KIR3DL3: variants seen among roughly 807,000 people sequenced by gnomAD.
KIR3DL3 encodes killer cell immunoglobulin like receptor, three Ig domains and long cytoplasmic tail 3, also known as killer cell immunoglobulin-like receptor 3DL3.
KIR3DL3 carries 27 observed loss-of-function variants against 34.9 expected under a neutral mutation model. The ratio of observed to expected loss-of-function variants is 0.77; its 90% CI spans 0.57 to 1.07. The LOEUF (loss-of-function observed/expected upper bound fraction) is 1.07. Among genes scored for constraint, KIR3DL3 ranks in the 50% least tolerant of loss-of-function variants. The pLI is 0.00. For synonymous variants in KIR3DL3, 217 were observed against 200.2 expected (o/e 1.08, Z -0.71); for missense variants, 681 against 528.5 (o/e 1.29, Z -2.83).
Position 54,726,229 on chromosome 19 carries a change from G to T in KIR3DL3, c.247G>T (p.Gly83Cys). The T allele has an allele frequency of 6.2e-7, 1 of 1,613,628 alleles. No individual in the cohort carries two copies. Among genetic ancestry groups the T allele is most frequent in the Non-Finnish European group, 8.5e-7 (1 of 1,179,878 alleles). The change falls in exon 3 of 8, where the codon GGC (glycine) becomes TGC (cysteine). Residue 83 changes from glycine (G) to cysteine (C), a missense_variant. Coordinates refer to ENST00000291860, the MANE Select transcript of KIR3DL3 (RefSeq NM_153443.5). ...NRIFRNSFLM[G>C]PVTPAHAGTY... ...AATATTCCGGAACAGCTTTCTCATG[G>T]GCCCTGTGACCCCAGCACATGCAGG... is the stretch of plus-strand genomic sequence containing the variant.
chr19:54,733,506 CA>C (rs1278445013), intron 5 of KIR3DL3, among the ~76,000 whole-genome samples: 1 of 152,072 alleles, frequency 6.6e-6, no homozygotes, highest in Non-Finnish European at 1.5e-5. Context: ...CAGCCTGACA[CA>C]GGGGGACTCT....
chr19:54,727,512 A>C, intron 3 of KIR3DL3, 99 bp from the exon 4 acceptor site: 6 of 1,046,534 alleles, frequency 5.7e-6, no homozygotes, highest in Non-Finnish European at 8.3e-6. Flanking sequence ...CAGGAAGGAG[A>C]GAGATAGACA....
At chr19:54,727,403 TC>T (rs2068304241) in intron 3 of KIR3DL3, among the ~76,000 whole-genome samples, 1 of 131,996 alleles carries the variant, frequency 7.6e-6, no homozygotes. Context: ...GGGAAGGGAA[TC>T]AGGGCTACTA....
intron 4 of KIR3DL3, among the ~76,000 whole-genome samples, chr19:54,728,788 T>C (rs2068474299): frequency 6.7e-6 from 1 of 148,606 alleles, no homozygotes; most frequent in Non-Finnish European, 1.5e-5. Context: ...AAAAGGGAAC[T>C]AGAGAGACTG....
At chr19:54,732,416 A>G (rs1317391078) in intron 5 of KIR3DL3, among the ~76,000 whole-genome samples, 3 of 73,590 alleles carry the variant, frequency 4.1e-5, no homozygotes. Flanking sequence ...ACACTCGGCT[A>G]ATTTTTTTGG....
In KIR3DL3 at chr19:54,729,536, G is replaced by T. The variant is rs112156439; in HGVS notation, c.699G>T (p.Thr233=). ...KPSLSAQPGP[T]VQAGENVTLS... ...CTCTCTCAGCCCAGCCGGGCCCCAC[G>T]GTTCAGGCAGGAGAGAATGTGACCT... Residue 233 remains threonine (T), a synonymous_variant, in exon 5 of 8, where the codon ACG becomes ACT. Transcript: ENST00000291860. The T allele has an allele frequency of 3.1e-5, 50 of 1,606,052 alleles. No homozygotes were observed. Among genetic ancestry groups the T allele is most frequent in the Non-Finnish European group, 4.0e-5 (47 of 1,178,242 alleles).
intron 3 of KIR3DL3, 47 bp from the exon 4 acceptor site, chr19:54,727,564 G>T: frequency 6.4e-7 from 1 of 1,568,210 alleles, no homozygotes. Flanking sequence ...CCCATGAATG[G>T]GATGAGAAAG....
intron 4 of KIR3DL3, 38 bp downstream of exon 4, chr19:54,727,948 A>T: frequency 6.4e-7 from 1 of 1,564,680 alleles, no homozygotes; most frequent in Non-Finnish European, 8.7e-7. Flanking sequence ...CCTTGCTGGG[A>T]GATGGAGTGA....
At chr19:54,730,109 G>A (rs1238271953) in intron 5 of KIR3DL3, among the ~76,000 whole-genome samples, 3 of 152,240 alleles carry the variant, frequency 2.0e-5, no homozygotes, top group African/African-American at 7.2e-5. Context: ...CTTCCCAGAA[G>A]CCCATCCTGG....
intron 5 of KIR3DL3, among the ~76,000 whole-genome samples, chr19:54,732,331 A>G (rs1433874943): frequency 6.6e-6 from 1 of 150,724 alleles, no homozygotes; most frequent in African/African-American, 2.4e-5. Context: ...GCTCATTGCA[A>G]CCTCTGCCTC....
intron 4 of KIR3DL3, among the ~76,000 whole-genome samples, chr19:54,729,019 T>A (rs2068504678): frequency 1.4e-5 from 2 of 147,076 alleles, no homozygotes; most frequent in African/African-American, 2.5e-5. Flanking sequence ...AAACACATGA[T>A]GATAGATGGA....
In KIR3DL3 at chr19:54,736,036, G is replaced by C. The variant is rs1169740135; in HGVS notation, c.1173G>C (p.Gln391His). 1.2e-6 allele frequency: 2 copies of C among 1,613,696 alleles called. No individual in the cohort carries two copies. Among genetic ancestry groups the C allele is most frequent in the South Asian group, 2.2e-5 (2 of 91,038 alleles). ...YAQLNHCVFT[Q>H]RKITRPSQRP... ...AGTTGAATCACTGCGTTTTCACACAGAGAAAAATCACTCGCCCTTCTCAGA... is the reference window on the plus strand; with the variant it reads ...AGTTGAATCACTGCGTTTTCACACACAGAAAAATCACTCGCCCTTCTCAGA... Residue 391 changes from glutamine (Q) to histidine (H), a missense_variant, in exon 8 of 8, where the codon CAG becomes CAC. Transcript: ENST00000291860.
intron 4 of KIR3DL3, among the ~76,000 whole-genome samples, chr19:54,728,515 T>C (rs1330584757): frequency 6.6e-6 from 1 of 150,928 alleles, no homozygotes; most frequent in Non-Finnish European, 1.5e-5. Context: ...CCACATGTTA[T>C]AGGATTACTG....
In KIR3DL3 at chr19:54,726,254, G is replaced by C. The variant is rs2068164847; in HGVS notation, c.272G>C (p.Gly91Ala). 2 of 1,613,920 alleles carry C rather than the reference G, an allele frequency of 1.2e-6. No homozygotes were observed. The highest frequency in any genetic ancestry group is 3.3e-5 in the Admixed American group (2 of 59,992). The change falls in exon 3 of 8, where the codon GGG (glycine) becomes GCG (alanine). Residue 91 changes from glycine (G) to alanine (A), a missense_variant. Coordinates refer to ENST00000291860, the MANE Select transcript of KIR3DL3 (RefSeq NM_153443.5). The stretch of plus-strand genomic sequence containing the variant: ...GGCCCTGTGACCCCAGCACATGCAG[G>C]GACCTACAGATGTTGCAGTTCACAC... ...LMGPVTPAHA[G>A]TYRCCSSHPH...
At position 54,735,800 on chromosome 19, in the gene KIR3DL3, A is replaced by T. The variant is rs747852122; in HGVS notation, c.1055-20A>T. ...CAGAAGTGCCCTCCGAGCTGTTTTG[A>T]CGACTTCCGTCTTCTACAGATGCTG... On this transcript the variant is annotated intron_variant, in intron 6 of 7. Coordinates refer to ENST00000291860, the MANE Select transcript of KIR3DL3 (RefSeq NM_153443.5). 278 of 1,606,158 alleles carry T rather than the reference A, an allele frequency of 1.7e-4. No homozygotes were observed. The highest frequency in any genetic ancestry group is 2.1e-4 in the Non-Finnish European group (253 of 1,177,376).
intron 5 of KIR3DL3, among the ~76,000 whole-genome samples, chr19:54,732,856 C>A (rs1392929512): frequency 1.3e-5 from 2 of 151,062 alleles, no homozygotes; most frequent in African/African-American, 4.9e-5. Flanking sequence ...GAACAAGGAG[C>A]ATGTTTTTGA....
At position 54,724,501 on chromosome 19, in the gene KIR3DL3, C is replaced by G; in HGVS notation, c.5C>G (p.Ser2Trp). The part of the protein sequence containing the change: M[S>W]LMVVSMACVG... ...CCTGTCTGCACCGGCAGCACCATGT[C>G]GCTCATGGTCGTCAGCATGGCGTGT... Residue 2 changes from serine to tryptophan, a missense_variant, in exon 1 of 8, where the codon TCG becomes TGG. Transcript: ENST00000291860. 1 of 1,613,034 alleles carries G rather than the reference C, an allele frequency of 6.2e-7. No individual in the cohort carries two copies. The highest frequency in any genetic ancestry group is 1.1e-5 in the South Asian group (1 of 91,060).
rs1268888585 is a variant in KIR3DL3, at chr19:54,729,810, C to T, written c.949+24C>T. 7 of 1,586,062 alleles carry T rather than the reference C, an allele frequency of 4.4e-6. 1 individual carries two copies. Among genetic ancestry groups the T allele is most frequent in the Non-Finnish European group, 5.1e-6 (6 of 1,167,812 alleles). On this transcript the variant is annotated intron_variant, in intron 5 of 7. Transcript: ENST00000291860. ...AGGTGAGAAAACACCATGCCTGTCCCATGTCTTGTGATCCTAGAGCCATAG... is the reference window on the plus strand; with the variant it reads ...AGGTGAGAAAACACCATGCCTGTCCTATGTCTTGTGATCCTAGAGCCATAG...
At chr19:54,729,153 A>G (rs34823346) in intron 4 of KIR3DL3, among the ~76,000 whole-genome samples, 112,161 of 140,900 alleles carry the variant, frequency 0.8, 45,175 homozygotes, top group East Asian at 0.99. Context: ...TCAATAGATA[A>G]TAGATAGAAA....
Sources: allele counts gnomAD v4.1 joint callset (sites outside exome capture counted in the v4.1 genomes callset), GRCh38; gene constraint gnomAD v4.1.1; transcripts MANE v1.5; gene names NCBI Gene and HGNC (gene_info 2026-07-23, HGNC 2026-07-21).